The following SLC25A26 variants were observed in gnomAD, a reference collection of about 807,000 sequenced individuals.
SLC25A26 encodes solute carrier family 25 member 26, also known as mitochondrial S-adenosylmethionine carrier protein.
In SLC25A26, 36 loss-of-function variants were observed where a neutral mutation model predicts 37.8. The observed-to-expected ratio is 0.95, with a 90% CI of 0.73 to 1.26. The LOEUF (loss-of-function observed/expected upper bound fraction) is 1.26. SLC25A26 is among the 50% of genes most tolerant of loss of function. The pLI is 0.00. For missense variants in SLC25A26, 390 were observed against 331.1 expected (o/e 1.18, Z -1.38); for synonymous variants, 129 against 122.5 (o/e 1.05, Z -0.35).
chr3:66,191,700 G>A (rs2070945195), intron 1 of SLC25A26, among the ~76,000 whole-genome samples: 1 of 151,452 alleles, frequency 6.6e-6, no homozygotes, highest in Non-Finnish European at 1.5e-5. Context: ...GACCAGACTG[G>A]CCAACATGGT....
chr3:66,226,886 A>G lies in SLC25A26; in HGVS notation c.33+5759A>G, dbSNP rs545765067. On this transcript the variant is annotated intron_variant, in intron 1 of 9. Coordinates refer to ENST00000354883, the MANE Select transcript of SLC25A26 (RefSeq NM_001379210.1). ...ATTAAAAACGCTTTGGTTGTAATAT[A>G]TAGGGGAAAAATTGCAAAGCTGATG... 5.9e-5 allele frequency among the ~76,000 whole-genome samples: 9 copies of G among 152,074 alleles called. No individual in the cohort carries two copies. In the East Asian group the frequency reaches 1.7e-3, roughly 29 times the overall value.
intron 5 of SLC25A26, among the ~76,000 whole-genome samples, chr3:66,292,696 C>T (rs2074755183): frequency 6.6e-6 from 1 of 152,168 alleles, no homozygotes; most frequent in South Asian, 2.1e-4. Flanking sequence ...TTGTGGGTAA[C>T]CCGACCTTTC....
intron 1 of SLC25A26, among the ~76,000 whole-genome samples, chr3:66,184,585 C>CTGCTCACCTTGAGTTTAATATGTATTACA (rs2070780448): frequency 7.8e-6 from 1 of 128,136 alleles, no homozygotes; most frequent in Non-Finnish European, 1.7e-5. Context: ...TCACCTGACT[C>CTGCTCACCTTGAGTTTAATATGTATTACA]TGCTCACCTT....
intron 3 of SLC25A26, among the ~76,000 whole-genome samples, chr3:66,246,992 G>A (rs910515353): frequency 1.2e-3 from 175 of 151,984 alleles, no homozygotes; most frequent in Non-Finnish European, 1.2e-3. Flanking sequence ...CTCCCGAGTC[G>A]CTGGGACTAC....
Position 66,150,491 on chromosome 3 carries a change from C to T in SLC25A26, c.-354+16507C>T, listed in dbSNP as rs371707447. Among the ~76,000 whole-genome samples, 10 of 113,044 alleles carry T rather than the reference C, an allele frequency of 8.8e-5. 1 individual carries two copies. In the East Asian group the frequency reaches 2.3e-3, roughly 26 times the overall value. 74.2% of individuals were successfully genotyped at this position (113,044 alleles called of 152,430 possible). ...CTAGCCTGGGCAACAGAGCAAGACT[C>T]TATCTCAAGACAAAAAAATATATAT... is the stretch of plus-strand genomic sequence containing the variant. On this transcript the variant is annotated intron_variant, in intron 1 of 10. Coordinates refer to the SLC25A26 transcript ENST00000676754.
chr3:66,144,001 C>A lies in SLC25A26; in HGVS notation c.-354+10017C>A, dbSNP rs114384667. ...ACTTTGTTGGCCTGTGAAGCTAACACTGACAATAAGAAAATACAGTAATTT... is the reference window on the plus strand; with the variant it reads ...ACTTTGTTGGCCTGTGAAGCTAACAATGACAATAAGAAAATACAGTAATTT... On this transcript the variant is annotated intron_variant, in intron 1 of 10. Coordinates refer to the SLC25A26 transcript ENST00000676754. Among the ~76,000 whole-genome samples the A allele has an allele frequency of 3.8e-3, 577 of 152,244 alleles. 6 individuals carry two copies. Among genetic ancestry groups the A allele is most frequent in the African/African-American group, 0.013 (549 of 41,538 alleles).
intron 1 of SLC25A26, among the ~76,000 whole-genome samples, chr3:66,209,472 A>C (rs1456517634): frequency 7.1e-6 from 1 of 139,966 alleles, no homozygotes; most frequent in Non-Finnish European, 1.5e-5. Context: ...TATATATATA[A>C]AGGTGTATAC....
At chr3:66,134,471 G>A (rs114509510) in intron 1 of SLC25A26, among the ~76,000 whole-genome samples, 2,510 of 152,270 alleles carry the variant, frequency 0.016, 60 homozygotes, top group African/African-American at 0.053. Flanking sequence ...AGCCAATCTG[G>A]GGCCAGTGGG....
At chr3:66,188,946 A>G (rs1386096823) in intron 1 of SLC25A26, among the ~76,000 whole-genome samples, 2 of 151,916 alleles carry the variant, frequency 1.3e-5, no homozygotes, top group African/African-American at 2.4e-5. Context: ...GATCCTTACA[A>G]TGACCCTAAT....
At chr3:66,134,329 A>G (rs2069914980) in intron 1 of SLC25A26, among the ~76,000 whole-genome samples, 1 of 152,240 alleles carries the variant, frequency 6.6e-6, no homozygotes, top group South Asian at 2.1e-4. Context: ...GAATAGAAGG[A>G]AATGTTATTT....
chr3:66,348,379 C>CAT (rs1253530685), intron 6 of SLC25A26, among the ~76,000 whole-genome samples: 3 of 152,154 alleles, frequency 2.0e-5, no homozygotes, highest in African/African-American at 7.2e-5. Flanking sequence ...CGTGCACACA[C>CAT]ATATGTATCT....
intron 5 of SLC25A26, among the ~76,000 whole-genome samples, chr3:66,298,420 T>C: frequency 6.6e-6 from 1 of 152,230 alleles, no homozygotes; most frequent in African/African-American, 2.4e-5. Context: ...ATATTTTTAA[T>C]GGACAGAAAA....
At chr3:66,251,679 C>T (rs553468694) in intron 3 of SLC25A26, among the ~76,000 whole-genome samples, 1 of 152,246 alleles carries the variant, frequency 6.6e-6, no homozygotes, top group South Asian at 2.1e-4. Flanking sequence ...ATCTATAGTA[C>T]AGGCATGAAT....
At chr3:66,230,809 AAAAAAAAAAAC>A (rs1282286104) in intron 1 of SLC25A26, among the ~76,000 whole-genome samples, 3 of 134,858 alleles carry the variant, frequency 2.2e-5, no homozygotes, top group Admixed American at 7.4e-5. Context: ...CTGTCTCAAA[AAAAAAAAAAAC>A]AAAAAAAAAC....
intron 5 of SLC25A26, among the ~76,000 whole-genome samples, chr3:66,291,167 T>C (rs997276647): frequency 6.6e-6 from 1 of 152,210 alleles, no homozygotes; most frequent in Non-Finnish European, 1.5e-5. Context: ...GATATCCCCT[T>C]TATCACTTTT....
intron 1 of SLC25A26, among the ~76,000 whole-genome samples, chr3:66,167,368 T>G (rs1464390579): frequency 6.6e-6 from 1 of 152,050 alleles, no homozygotes; most frequent in Admixed American, 6.5e-5. Flanking sequence ...ATGTTAAATT[T>G]AACAGAAAAA....
chr3:66,263,911 G>A (rs1431475515), intron 5 of SLC25A26, among the ~76,000 whole-genome samples: 2 of 152,036 alleles, frequency 1.3e-5, no homozygotes, highest in African/African-American at 4.8e-5. Context: ...TCCCGCCTCG[G>A]CCTCCCAAAG....
intron 5 of SLC25A26, among the ~76,000 whole-genome samples, chr3:66,322,925 G>A (rs1379201530): frequency 6.7e-6 from 1 of 149,148 alleles, no homozygotes; most frequent in South Asian, 2.1e-4. Flanking sequence ...CCCCCAATCT[G>A]TTTTTTACCT....
chr3:66,295,988 G>C (rs974980521), intron 5 of SLC25A26, among the ~76,000 whole-genome samples: 11 of 151,902 alleles, frequency 7.2e-5, no homozygotes, highest in African/African-American at 2.7e-4. Context: ...ATGGTGGCAG[G>C]CACCTGTAAT....
Sources: gnomAD v4.1 joint callset for allele counts (sites outside exome capture counted in the v4.1 genomes callset) on GRCh38, gnomAD v4.1.1 for gene constraint, MANE v1.5 for transcripts, NCBI Gene and HGNC (gene_info 2026-07-23, HGNC 2026-07-21) for gene names.